The following NALF1 variants were observed in gnomAD, a reference collection of about 807,000 sequenced individuals.
NALF1 encodes the protein family with sequence similarity 155 member A.
A neutral mutation model predicts 48.4 loss-of-function variants in NALF1; 3 were observed. The observed-to-expected ratio is 0.06, with a 90% CI of 0.03 to 0.16. The LOEUF is 0.16. Among genes scored for constraint, NALF1 ranks in the 10% least tolerant of loss-of-function variants. NALF1 has a pLI of 1.00. For synonymous variants in NALF1, 262 were observed against 245.7 expected, an observed-to-expected ratio of 1.07 and a Z score of -0.62; for missense variants, 526 against 571.5, an observed-to-expected ratio of 0.92 and a Z score of 0.81.
At position 107,420,607 on chromosome 13, in the gene NALF1, G is replaced by A. The variant is rs374445369; in HGVS notation, c.916-209852C>T. On this transcript the variant is annotated intron_variant, in intron 1 of 2. Coordinates refer to ENST00000375915, the MANE Select transcript of NALF1 (RefSeq NM_001080396.3). ...CTCCACATATGCCTTCATTTCAGAA[G>A]TGACCCTGTCTCTTTAGGATTTCTA... 2.5e-3 allele frequency among the ~76,000 whole-genome samples: 375 copies of A among 152,258 alleles called. 2 individuals carry two copies. The highest frequency in any genetic ancestry group is 8.6e-3 in the African/African-American group (359 of 41,572).
intron 1 of NALF1, among the ~76,000 whole-genome samples, chr13:107,329,260 G>C (rs1410168284): frequency 6.6e-6 from 1 of 152,174 alleles, no homozygotes; most frequent in African/African-American, 2.4e-5. Flanking sequence ...ATAATGAGCA[G>C]TAAAGTTTGA....
At chr13:107,656,242 C>A (rs1880571383) in intron 1 of NALF1, among the ~76,000 whole-genome samples, 1 of 151,318 alleles carries the variant, frequency 6.6e-6, no homozygotes, top group Admixed American at 6.6e-5. Context: ...GGGAAAAAAT[C>A]TTCACAATCT....
At chr13:107,176,550 G>A (rs191479891) in intron 2 of NALF1, among the ~76,000 whole-genome samples, 4,196 of 152,018 alleles carry the variant, frequency 0.028, 93 homozygotes, top group Non-Finnish European at 0.042. Flanking sequence ...GCTGAGGCAG[G>A]AGAATGGCGT....
Position 107,591,153 on chromosome 13 carries a change from A to G in NALF1, c.915+274529T>C, listed in dbSNP as rs1878592118. On this transcript the variant is annotated intron_variant, in intron 1 of 2. Transcript: ENST00000375915. The stretch of plus-strand genomic sequence containing the variant: ...ATAGAATTCCCATTAAGATAACTCA[A>G]TAGTTTCGTGATGCCAAGTAATAAA... Among the ~76,000 whole-genome samples, 3 of 152,002 alleles carry G rather than the reference A, an allele frequency of 2.0e-5. No homozygotes were observed. The South Asian group carries it at 6.2e-4, about 31-fold the overall frequency.
At chr13:107,623,386 C>T (rs990914519) in intron 1 of NALF1, among the ~76,000 whole-genome samples, 2 of 149,872 alleles carry the variant, frequency 1.3e-5, no homozygotes, top group African/African-American at 4.9e-5. Flanking sequence ...TTTAAGGTGA[C>T]AGTTACATGC....
At position 107,865,771 on chromosome 13, in the gene NALF1, G is replaced by T. The variant is rs756629334; in HGVS notation, c.826C>A (p.Gln276Lys). The T allele has an allele frequency of 1.2e-6, 2 of 1,614,066 alleles. No homozygotes were observed. Among genetic ancestry groups the T allele is most frequent in the Non-Finnish European group, 8.5e-7 (1 of 1,180,024 alleles). The change falls in exon 1 of 3, where the codon CAG becomes AAG. Residue 276 changes from glutamine to lysine, a missense_variant. Gln to Lys is a moderately conservative substitution (Grantham distance 53, BLOSUM62 1). Coordinates refer to ENST00000375915, the MANE Select transcript of NALF1 (RefSeq NM_001080396.3). The stretch of plus-strand genomic sequence containing the variant: ...CTTTCAAACTCTTCGTATTTCTCCT[G>T]AGCATGGTGGTCATAGTCCTGGTAA... The part of the protein sequence containing the change: ...EAYQDYDHHA[Q>K]EKYEEFESVL...
intron 1 of NALF1, among the ~76,000 whole-genome samples, chr13:107,716,062 C>A (rs1875807976): frequency 6.6e-6 from 1 of 152,068 alleles, no homozygotes; most frequent in Admixed American, 6.6e-5. Flanking sequence ...TTAGGGTGTC[C>A]ATCTCAGGCA....
intron 1 of NALF1, among the ~76,000 whole-genome samples, chr13:107,615,301 A>G (rs975523687): frequency 6.6e-6 from 1 of 152,114 alleles, no homozygotes; most frequent in Non-Finnish European, 1.5e-5. Flanking sequence ...CTCAATAACA[A>G]TTAGCCTCTA....
intron 1 of NALF1, among the ~76,000 whole-genome samples, chr13:107,338,325 T>G (rs1459029910): frequency 1.3e-5 from 2 of 152,176 alleles, no homozygotes; most frequent in Non-Finnish European, 2.9e-5. Flanking sequence ...GGAGCTGGAA[T>G]AGGGGACTGA....
rs1209996866 is a variant in NALF1, at chr13:107,782,876, G to C, written c.915+82806C>G. ...GCCCGGCAGCCGCCCCGTCTGGGAA[G>C]TGAGGAGCGTCTCCGCCCGGCAGCC... On this transcript the variant is annotated intron_variant, in intron 1 of 2. Coordinates refer to ENST00000375915, the MANE Select transcript of NALF1 (RefSeq NM_001080396.3). 4.8e-4 allele frequency among the ~76,000 whole-genome samples: 73 copies of C among 151,900 alleles called. 2 individuals carry two copies. The highest frequency in any genetic ancestry group is 1.7e-3 in the African/African-American group (71 of 41,480).
In NALF1 at chr13:107,866,217, G is replaced by C. The variant is rs199609587; in HGVS notation, c.380C>G (p.Ser127Trp). ...AQAHRLLSAS[S>W]SPTLPPSPGD... ...CGGGGAGGGGGGCAGGGTGGGGGAC[G>C]AGGAGGCGGAGAGGAGTCTGTGTGC... The change falls in exon 1 of 3, where the codon TCG becomes TGG. Residue 127 changes from serine to tryptophan, a missense_variant. By Grantham distance (177) the Ser-to-Trp change is radical (BLOSUM62 -3). Transcript: ENST00000375915. The surrounding 1 kb of genome is among the most constrained non-coding windows in gnomAD (Gnocchi z 4.4). 2 of 1,596,186 alleles carry C rather than the reference G, an allele frequency of 1.3e-6. No individual in the cohort carries two copies. Among genetic ancestry groups the C allele is most frequent in the Admixed American group, 1.7e-5 (1 of 58,648 alleles).
chr13:107,804,872 G>A (rs1368920937), intron 1 of NALF1, among the ~76,000 whole-genome samples: 1 of 152,054 alleles, frequency 6.6e-6, no homozygotes, highest in Non-Finnish European at 1.5e-5. Flanking sequence ...CTTTGAACAA[G>A]AAATAGAAAA....
chr13:107,348,347 T>C (rs996373064), intron 1 of NALF1, among the ~76,000 whole-genome samples: 3 of 152,338 alleles, frequency 2.0e-5, no homozygotes, highest in African/African-American at 7.2e-5. Flanking sequence ...CACTCGGAAG[T>C]AAATTTAGCA....
At chr13:107,695,285 TGACA>T (rs1310668271) in intron 1 of NALF1, among the ~76,000 whole-genome samples, 4 of 152,298 alleles carry the variant, frequency 2.6e-5, no homozygotes, top group Middle Eastern at 3.4e-3. Flanking sequence ...TCCAGAGAGT[TGACA>T]GACAGTGATC....
At chr13:107,744,403 T>A (rs1048111653) in intron 1 of NALF1, among the ~76,000 whole-genome samples, 1 of 151,574 alleles carries the variant, frequency 6.6e-6, no homozygotes, top group Non-Finnish European at 1.5e-5. Context: ...CGAAGTGTTT[T>A]AAAAAAAAAT....
At chr13:107,675,467 T>C (rs1180371673) in intron 1 of NALF1, among the ~76,000 whole-genome samples, 1 of 152,236 alleles carries the variant, frequency 6.6e-6, no homozygotes, top group African/African-American at 2.4e-5. Flanking sequence ...TGTTAAACCA[T>C]CTTCATCATG....
At position 107,463,275 on chromosome 13, in the gene NALF1, C is replaced by T. The variant is rs899693560; in HGVS notation, c.916-252520G>A. On this transcript the variant is annotated intron_variant, in intron 1 of 2. Transcript: ENST00000375915. ...GTTAGAGTTAATCTAATAAGAATCA[C>T]ACATAGATTAAAGAAATGGATTTAA... Among the ~76,000 whole-genome samples, 5 of 152,218 alleles carry T rather than the reference C, an allele frequency of 3.3e-5. No homozygotes were observed. In the East Asian group the frequency reaches 5.8e-4, roughly 18 times the overall value.
At chr13:107,846,630 C>T (rs530025830) in intron 1 of NALF1, among the ~76,000 whole-genome samples, 175 of 152,226 alleles carry the variant, frequency 1.1e-3, no homozygotes, top group Middle Eastern at 3.4e-3. Flanking sequence ...AGATGCATCT[C>T]CTAGAAGAAT....
chr13:107,862,545 C>A (rs1456470185), intron 1 of NALF1, among the ~76,000 whole-genome samples: 1 of 151,992 alleles, frequency 6.6e-6, no homozygotes, highest in Admixed American at 6.6e-5. Context: ...ATATAGTCAA[C>A]ATCTCGTGTT....
Sources: gnomAD v4.1 joint callset for allele counts (sites outside exome capture counted in the v4.1 genomes callset) on GRCh38, gnomAD v4.1.1 for gene constraint, Gnocchi (gnomAD v3.1) non-coding constraint, MANE v1.5 for transcripts, NCBI Gene and HGNC (gene_info 2026-07-23, HGNC 2026-07-21) for gene names.